The following NPHP4 variants were observed in gnomAD, a reference collection of about 807,000 sequenced individuals.
The protein encoded by NPHP4 is nephrocystin 4.
A neutral mutation model predicts 155.8 loss-of-function variants in NPHP4; 151 were observed. That is an observed-to-expected ratio of 0.97 (90% CI 0.85 to 1.11). The LOEUF is 1.11. Among genes scored for constraint, NPHP4 ranks in the 50% least tolerant of loss-of-function variants. NPHP4 has a pLI of 0.00. For synonymous variants in NPHP4, 845 were observed against 816.8 expected, an observed-to-expected ratio of 1.03 and a Z score of -0.59; for missense variants, 1,956 against 1,925.7, an observed-to-expected ratio of 1.02 and a Z score of -0.29.
At position 5,947,974 on chromosome 1, in the gene NPHP4, C is replaced by A. The variant is rs796424707; in HGVS notation, c.992+96G>T. The A allele has an allele frequency of 5.5e-5, 51 of 923,578 alleles. No homozygotes were observed. In the African/African-American group the frequency reaches 6.1e-4, roughly 11 times the overall value. 57.2% of individuals were successfully genotyped at this position (923,578 alleles called of 1,614,324 possible). ...AAAGAAACACAAGGAAGAACTCCCA[C>A]GTGGGTGAGTCAACACCTGACATGC... is the stretch of plus-strand genomic sequence containing the variant. On this transcript the variant is annotated intron_variant, in intron 8 of 29. Transcript: ENST00000378156.
intron 5 of NPHP4, among the ~76,000 whole-genome samples, chr1:5,964,941 A>ATATATATATATATATTTT: frequency 1.7e-5 from 1 of 59,426 alleles, no homozygotes; most frequent in Admixed American, 2.3e-4. Flanking sequence ...ATATATATAT[A>ATATATATATATATATTTT]TTTTTTTTTT....
intron 1 of NPHP4, among the ~76,000 whole-genome samples, chr1:5,991,882 C>G (rs1656394826): frequency 7.1e-6 from 1 of 139,864 alleles, no homozygotes; most frequent in African/African-American, 2.7e-5. Flanking sequence ...CCCAGAACAT[C>G]GGTACCGCGC....
intron 18 of NPHP4, among the ~76,000 whole-genome samples, chr1:5,883,011 C>G (rs147571490): frequency 6.6e-6 from 1 of 152,198 alleles, no homozygotes; most frequent in Non-Finnish European, 1.5e-5. Flanking sequence ...CCAGGAAGAA[C>G]AGGGCTCCCG....
At chr1:5,876,847 C>A in intron 20 of NPHP4, 1 of 376,420 alleles carries the variant, frequency 2.7e-6, no homozygotes, top group Non-Finnish European at 4.8e-6. Flanking sequence ...GGGGTCCTGC[C>A]CACACCAATC....
At chr1:5,865,866 A>G (rs1641168808) in intron 26 of NPHP4, 1 of 183,720 alleles carries the variant, frequency 5.4e-6, no homozygotes, top group African/African-American at 2.4e-5. Context: ...CCTCAGAAGC[A>G]CTGCAGGAAA....
chr1:5,878,214 A>G (rs1355346616), intron 19 of NPHP4, among the ~76,000 whole-genome samples: 1 of 152,084 alleles, frequency 6.6e-6, no homozygotes, highest in East Asian at 1.9e-4. Context: ...GGGCATGGGC[A>G]CCCCCTGCAG....
intron 2 of NPHP4, among the ~76,000 whole-genome samples, chr1:5,984,142 T>G (rs1026149558): frequency 1.3e-5 from 2 of 152,216 alleles, no homozygotes; most frequent in African/African-American, 4.8e-5. Flanking sequence ...GATGGCTCAT[T>G]CATATAAAGA....
intron 11 of NPHP4, among the ~76,000 whole-genome samples, chr1:5,918,719 A>G (rs992287982): frequency 6.6e-6 from 1 of 152,264 alleles, no homozygotes; most frequent in Non-Finnish European, 1.5e-5. Flanking sequence ...TACAAACTTT[A>G]TCACAGCATC....
intron 3 of NPHP4, among the ~76,000 whole-genome samples, chr1:5,971,869 G>A (rs947642438): frequency 1.3e-5 from 2 of 152,248 alleles, no homozygotes; most frequent in Non-Finnish European, 2.9e-5. Flanking sequence ...CGGGCTCTCT[G>A]TCACCCCTGC....
At chr1:5,975,457 CCA>C (rs1485092177) in intron 3 of NPHP4, among the ~76,000 whole-genome samples, 2 of 152,206 alleles carry the variant, frequency 1.3e-5, no homozygotes, top group African/African-American at 2.4e-5. Context: ...CCTGGCCACA[CCA>C]CACTGTCCTT....
At position 5,888,588 on chromosome 1, in the gene NPHP4, A is replaced by G. The variant is rs750379359; in HGVS notation, c.2305-1122T>C. 9.6e-6 allele frequency: 13 copies of G among 1,351,394 alleles called. 1 individual carries two copies. The South Asian group carries it at 1.5e-4, about 15-fold the overall frequency. 83.7% of individuals were successfully genotyped at this position (1,351,394 alleles called of 1,614,324 possible). A position where few individuals can be genotyped will look rare whatever the true frequency, so the allele number is the denominator to read the frequency against. The stretch of plus-strand genomic sequence containing the variant: ...ATTCCGGAACCTCAGTCACTGGGAG[A>G]CTGAGAAGATATGAGAAGTCTCCTT... On this transcript the variant is annotated intron_variant, in intron 17 of 29. Transcript: ENST00000378156.
intron 6 of NPHP4, among the ~76,000 whole-genome samples, chr1:5,959,136 C>T (rs1649828771): frequency 6.6e-6 from 1 of 152,094 alleles, no homozygotes; most frequent in South Asian, 2.1e-4. Context: ...CAGTCCCCCT[C>T]CCTCCCTCCG....
intron 2 of NPHP4, among the ~76,000 whole-genome samples, chr1:5,982,935 A>G (rs553201344): frequency 9.2e-5 from 14 of 152,346 alleles, no homozygotes; most frequent in Admixed American, 5.2e-4. Context: ...ATGGCCCAGC[A>G]TACGGTCTAT....
At chr1:5,938,491 A>T (rs137982658) in intron 9 of NPHP4, among the ~76,000 whole-genome samples, 1 of 152,356 alleles carries the variant, frequency 6.6e-6, no homozygotes, top group East Asian at 1.9e-4. Flanking sequence ...GATCCAGTAC[A>T]TGCAGAACTG....
rs146134884 is a variant in NPHP4 at position 5,879,199 on chromosome 1, C to T, written c.2611+915G>A. On this transcript the variant is annotated intron_variant, in intron 19 of 29. Transcript: ENST00000378156. ...CTCCCACCTCTAACAAGCCACAGCT[C>T]CAAGGCCCAGCAACACACAAAAGCG... The T allele has an allele frequency of 1.7e-3, 396 of 228,490 alleles. 2 individuals carry two copies. Among genetic ancestry groups the T allele is most frequent in the African/African-American group, 8.4e-3 (368 of 43,628 alleles). The allele number at this position is 228,490 out of a possible 1,614,324, so 14.2% of individuals were successfully genotyped here.
At position 5,986,304 on chromosome 1, in the gene NPHP4, G is replaced by A. The variant is rs760747780; in HGVS notation, c.-15C>T. On this transcript the variant is annotated 5_prime_UTR_variant, in exon 2 of 30. Transcript: ENST00000378156. Reference sequence around the variant, plus strand: ...CAGTCGTTCATCCTGCCCGCCTGAGGGTCCCGTGGGCTTCCCGGATGATCT... The same window carrying A: ...CAGTCGTTCATCCTGCCCGCCTGAGAGTCCCGTGGGCTTCCCGGATGATCT... The A allele has an allele frequency of 1.2e-6, 2 of 1,612,730 alleles. No homozygotes were observed. Among genetic ancestry groups the A allele is most frequent in the East Asian group, 4.5e-5 (2 of 44,820 alleles).
chr1:5,944,932 T>C lies in NPHP4; in HGVS notation c.1119+2172A>G, dbSNP rs1285299687. Among the ~76,000 whole-genome samples, 2 of 152,000 alleles carry C rather than the reference T, an allele frequency of 1.3e-5. No individual in the cohort carries two copies. Among genetic ancestry groups the C allele is most frequent in the East Asian group, 1.9e-4 (1 of 5,178 alleles). On this transcript the variant is annotated intron_variant, in intron 9 of 29. Coordinates refer to ENST00000378156, the MANE Select transcript of NPHP4 (RefSeq NM_015102.5). This position sits in a 1 kb window ranked among gnomAD's most constrained non-coding sequence, Gnocchi z 4.3. ...TTGCAGTGAGCCGAGATCGCGCCACTGAGGGGCGACAGAGTGAGACTCTGT... is the reference window on the plus strand; with the variant it reads ...TTGCAGTGAGCCGAGATCGCGCCACCGAGGGGCGACAGAGTGAGACTCTGT...
chr1:5,887,605 C>T (rs1643891029), intron 17 of NPHP4, 139 bp from the exon 18 acceptor site: 1 of 835,984 alleles, frequency 1.2e-6, no homozygotes, highest in Non-Finnish European at 1.8e-6. Flanking sequence ...TAAGACCCTG[C>T]ACCACGCTGG....
chr1:5,874,415 C>A, intron 22 of NPHP4, 56 bp downstream of exon 22: 1 of 1,435,852 alleles, frequency 7.0e-7, no homozygotes, highest in Non-Finnish European at 9.3e-7. Context: ...GAAGCATTCT[C>A]AATTTCCCAC....
Sources: gnomAD v4.1 joint callset for allele counts (sites outside exome capture counted in the v4.1 genomes callset) on GRCh38, gnomAD v4.1.1 for gene constraint, Gnocchi (gnomAD v3.1) non-coding constraint, MANE v1.5 for transcripts, NCBI Gene and HGNC (gene_info 2026-07-23, HGNC 2026-07-21) for gene names.